LIN54: variants seen among roughly 807,000 people sequenced by gnomAD.
LIN54 encodes the protein protein lin-54 homolog.
Under a neutral mutation model 78.7 loss-of-function variants are expected in LIN54, and 9 were observed. The ratio of observed to expected loss-of-function variants is 0.11; its 90% CI spans 0.07 to 0.20. The LOEUF is 0.20. LIN54 is among the 10% of genes least tolerant of loss of function. LIN54 has a pLI of 1.00. For synonymous variants in LIN54, 269 were observed against 318.4 expected (o/e 0.84, Z 1.65); for missense variants, 573 against 889.9 (o/e 0.64, Z 4.53).
At chr4:82,939,192 T>C (rs1400093448) in intron 7 of LIN54, among the ~76,000 whole-genome samples, 1 of 152,196 alleles carries the variant, frequency 6.6e-6, no homozygotes, top group Non-Finnish European at 1.5e-5. Flanking sequence ...ATCAAATTTA[T>C]GTGTGAGGAA....
intron 1 of LIN54, among the ~76,000 whole-genome samples, chr4:83,002,114 C>T (rs1728897058): frequency 1.3e-5 from 2 of 150,948 alleles, no homozygotes; most frequent in South Asian, 2.1e-4. Flanking sequence ...GCACAGAAAA[C>T]GAACTGACAG....
chr4:83,001,965 AGGAAGGAAGGAAGGGAG>A lies in LIN54; in HGVS notation c.-33+8502_-33+8518del, dbSNP rs1560796685. 6.1e-4 allele frequency among the ~76,000 whole-genome samples: 29 copies of A among 47,256 alleles called. 10 individuals are homozygous for A. Among genetic ancestry groups the A allele is most frequent in the East Asian group, 7.5e-4 (1 of 1,326 alleles). 31.0% of individuals were successfully genotyped at this position (47,256 alleles called of 152,430 possible). ...AAGGAAGGAAGGAAGGAAGGAAGGA[AGGAAGGAAGGAAGGGAG>A]GGATCTTGGAGAAATTCAAGAGCTA... On this transcript the variant is annotated intron_variant, in intron 1 of 12. Transcript: ENST00000340417.
At chr4:82,981,729 G>A (rs1173129766) in intron 2 of LIN54, among the ~76,000 whole-genome samples, 1 of 151,688 alleles carries the variant, frequency 6.6e-6, no homozygotes, top group Non-Finnish European at 1.5e-5. Flanking sequence ...ATAGAAACAG[G>A]CTTTAGAAAA....
intron 4 of LIN54, among the ~76,000 whole-genome samples, chr4:82,956,110 G>C (rs1005634998): frequency 1.3e-5 from 2 of 151,912 alleles, no homozygotes; most frequent in Non-Finnish European, 2.9e-5. Flanking sequence ...ACCACGCGCG[G>C]CTAAATTTTT....
At chr4:83,010,858 G>A, upstream of LIN54, 1 of 896,638 alleles carries the variant, frequency 1.1e-6, no homozygotes, top group Non-Finnish European at 1.3e-6. Flanking sequence ...CTCCCCGCCC[G>A]CCCCACCCGG....
At chr4:83,004,136 G>A (rs1163487664) in intron 1 of LIN54, among the ~76,000 whole-genome samples, 1 of 152,114 alleles carries the variant, frequency 6.6e-6, no homozygotes, top group Non-Finnish European at 1.5e-5. Context: ...GGTGGCTTAT[G>A]CCTGTAATCC....
In LIN54 at chr4:82,992,901, G is replaced by A. The variant is rs774170707; in HGVS notation, c.-32-8025C>T. Among the ~76,000 whole-genome samples, 94 of 151,694 alleles carry A rather than the reference G, an allele frequency of 6.2e-4. 2 individuals carry two copies. Among genetic ancestry groups the A allele is most frequent in the Non-Finnish European group, 1.1e-3 (75 of 67,870 alleles). ...AAATTAGCCGGGCATGGTAGCAGGT[G>A]CCTGTAGTCCCAGCTACTCGGGAGG... On this transcript the variant is annotated intron_variant, in intron 1 of 12. Coordinates refer to ENST00000340417, the MANE Select transcript of LIN54 (RefSeq NM_194282.4).
intron 5 of LIN54, among the ~76,000 whole-genome samples, chr4:82,945,433 A>G (rs1218484457): frequency 6.6e-6 from 1 of 152,242 alleles, no homozygotes; most frequent in African/African-American, 2.4e-5. Flanking sequence ...CATAGAAAAT[A>G]GAAGGACAAC....
At chr4:82,963,064 A>C (rs1724931677) in intron 4 of LIN54, among the ~76,000 whole-genome samples, 1 of 152,098 alleles carries the variant, frequency 6.6e-6, no homozygotes. Context: ...CAATAGTCCA[A>C]ACGCAGAAAT....
At chr4:82,990,725 C>A (rs1362941034) in intron 1 of LIN54, among the ~76,000 whole-genome samples, 1 of 151,966 alleles carries the variant, frequency 6.6e-6, no homozygotes, top group Non-Finnish European at 1.5e-5. Flanking sequence ...CCTCGTGATC[C>A]GCCCGCCTCC....
At chr4:82,945,558 A>T (rs996246372) in intron 5 of LIN54, among the ~76,000 whole-genome samples, 1 of 151,922 alleles carries the variant, frequency 6.6e-6, no homozygotes, top group Non-Finnish European at 1.5e-5. Flanking sequence ...CAGTGGCATG[A>T]TCTCAGCTCA....
intron 3 of LIN54, among the ~76,000 whole-genome samples, chr4:82,975,078 C>T (rs1018377727): frequency 6.6e-6 from 1 of 152,068 alleles, no homozygotes; most frequent in Non-Finnish European, 1.5e-5. Flanking sequence ...TAACATGAGG[C>T]TGGGTGCAGT....
At chr4:82,943,785 G>A (rs1374370108) in intron 5 of LIN54, among the ~76,000 whole-genome samples, 4 of 151,564 alleles carry the variant, frequency 2.6e-5, no homozygotes, top group Non-Finnish European at 5.9e-5. Context: ...CTGCCAGGTG[G>A]CAAGGAGAAA....
chr4:83,003,598 C>G (rs865985504), intron 1 of LIN54: 3 of 152,240 alleles, frequency 2.0e-5, no homozygotes, highest in Non-Finnish European at 2.9e-5. Context: ...GCAATCTTGG[C>G]TCACAGCAAC....
At position 82,925,959 on chromosome 4, in the gene LIN54, A is replaced by G. The variant is rs1402239608; in HGVS notation, c.*2143T>C. On this transcript the variant is annotated 3_prime_UTR_variant, in exon 13 of 13. Coordinates refer to ENST00000340417, the MANE Select transcript of LIN54 (RefSeq NM_194282.4). ...ATTTGATGCAAATGCCTGAATACAA[A>G]AAGTTATTTAGTAAGTACTACACAG... 6.6e-6 allele frequency: 1 copy of G among 152,650 alleles called. No homozygotes were observed. The highest frequency in any genetic ancestry group is 1.5e-5 in the Non-Finnish European group (1 of 68,018). The allele number at this position is 152,650 out of a possible 1,614,324, so 9.5% of individuals were successfully genotyped here. A position where few individuals can be genotyped will look rare whatever the true frequency, so the allele number is the denominator to read the frequency against.
intron 4 of LIN54, among the ~76,000 whole-genome samples, chr4:82,947,921 A>G (rs1194586229): frequency 6.6e-6 from 1 of 152,234 alleles, no homozygotes; most frequent in African/African-American, 2.4e-5. Flanking sequence ...CTTTTATCAT[A>G]AAAGTCCAGG....
chr4:82,946,566 G>T (rs140462826), intron 4 of LIN54, 92 bp from the exon 5 acceptor site: 12 of 964,342 alleles, frequency 1.2e-5, no homozygotes, highest in Non-Finnish European at 1.9e-5. Context: ...TGTAAAGTAT[G>T]CTCCTGTATT....
At chr4:82,991,070 A>G (rs1727646621) in intron 1 of LIN54, among the ~76,000 whole-genome samples, 1 of 144,678 alleles carries the variant, frequency 6.9e-6, no homozygotes, top group Non-Finnish European at 1.5e-5. Context: ...ATGAGATGGG[A>G]GGATCGCTTG....
chr4:82,936,614 C>G (rs1469460443), intron 9 of LIN54, among the ~76,000 whole-genome samples: 1 of 152,086 alleles, frequency 6.6e-6, no homozygotes, highest in Non-Finnish European at 1.5e-5. Context: ...CTTAGTCCAA[C>G]CAATAACAGC....
Sources: allele counts gnomAD v4.1 joint callset (sites outside exome capture counted in the v4.1 genomes callset), GRCh38; gene constraint gnomAD v4.1.1; transcripts MANE v1.5; gene names NCBI Gene and HGNC (gene_info 2026-07-23, HGNC 2026-07-21).